ZDHHC21: variants seen among roughly 807,000 people sequenced by gnomAD.
The protein encoded by ZDHHC21 is palmitoyltransferase ZDHHC21.
Under a neutral mutation model 34.6 loss-of-function variants are expected in ZDHHC21, and 15 were observed. The ratio of observed to expected loss-of-function variants is 0.43; its 90% CI spans 0.29 to 0.67. The LOEUF (loss-of-function observed/expected upper bound fraction) is 0.67. Among genes scored for constraint, ZDHHC21 ranks in the 30% least tolerant of loss-of-function variants. ZDHHC21 has a pLI of 0.14. For missense variants in ZDHHC21, 344 were observed against 327.7 expected (o/e 1.05, Z -0.38); for synonymous variants, 142 against 101.8 (o/e 1.40, Z -2.38).
intron 2 of ZDHHC21, among the ~76,000 whole-genome samples, chr9:14,688,936 T>C (rs1229579138): frequency 6.6e-6 from 1 of 151,878 alleles, no homozygotes; most frequent in Non-Finnish European, 1.5e-5. Context: ...CCCAGCTTAT[T>C]GGGAGGCTGA....
the ZDHHC21 span, among the ~76,000 whole-genome samples, chr9:14,605,224 C>A: frequency 6.8e-6 from 1 of 147,808 alleles, no homozygotes; most frequent in Non-Finnish European, 1.5e-5. Context: ...TTTTTAATAT[C>A]CAGAAGTGGG....
chr9:14,669,934 G>C (rs1835154088), intron 5 of ZDHHC21, among the ~76,000 whole-genome samples: 1 of 149,154 alleles, frequency 6.7e-6, no homozygotes, highest in African/African-American at 2.5e-5. Flanking sequence ...CAGTGCACCA[G>C]CATGGCACAT....
chr9:14,615,078 A>G lies in ZDHHC21; in HGVS notation c.*3888T>C, dbSNP rs1175720664. On this transcript the variant is annotated 3_prime_UTR_variant, in exon 10 of 10. Transcript: ENST00000380916. ...TTAAACCAGAGCTTGGTACATTGTG[A>G]TTTTATAGCAATACATGTGAAAACA... is the stretch of plus-strand genomic sequence containing the variant. The G allele has an allele frequency of 6.6e-6, 1 of 151,690 alleles. No individual in the cohort carries two copies. Among genetic ancestry groups the G allele is most frequent in the Non-Finnish European group, 1.5e-5 (1 of 67,694 alleles). The allele number at this position is 151,690 out of a possible 1,614,324, so 9.4% of individuals were successfully genotyped here.
intron 1 of ZDHHC21, 22 bp downstream of exon 1, chr9:14,693,207 G>C: frequency 2.8e-6 from 1 of 352,912 alleles, no homozygotes; most frequent in South Asian, 2.0e-5. Context: ...CGGCCGCTTC[G>C]CCCCCGCGCC....
intron 5 of ZDHHC21, among the ~76,000 whole-genome samples, chr9:14,665,219 G>T (rs1470160643): frequency 1.5e-5 from 2 of 136,442 alleles, no homozygotes; most frequent in Non-Finnish European, 3.1e-5. Flanking sequence ...CTCAGGAGCC[G>T]ATGCGATCAA....
intron 3 of ZDHHC21, among the ~76,000 whole-genome samples, chr9:14,677,988 G>A (rs1836730767): frequency 6.6e-6 from 1 of 152,054 alleles, no homozygotes. Flanking sequence ...TATGCTTACA[G>A]TTTTACGTGA....
the ZDHHC21 span, among the ~76,000 whole-genome samples, chr9:14,594,689 A>G: frequency 1.3e-5 from 2 of 152,214 alleles, no homozygotes; most frequent in East Asian, 1.9e-4. Flanking sequence ...TTTAAAAATG[A>G]TAAATTGGAA....
chr9:14,607,363 C>T (rs2133349091), downstream of ZDHHC21, among the ~76,000 whole-genome samples: 1 of 152,222 alleles, frequency 6.6e-6, no homozygotes, highest in South Asian at 2.1e-4. Context: ...GAGATTGTGC[C>T]ACTGCACTCC....
At chr9:14,656,714 T>C (rs201880264) in intron 7 of ZDHHC21, among the ~76,000 whole-genome samples, 2 of 151,968 alleles carry the variant, frequency 1.3e-5, no homozygotes, top group Admixed American at 6.6e-5. Context: ...TTATTTATAA[T>C]GTACTGCTTC....
chr9:14,665,652 G>C (rs1297084544), intron 5 of ZDHHC21, among the ~76,000 whole-genome samples: 2 of 136,912 alleles, frequency 1.5e-5, no homozygotes. Flanking sequence ...CGGATCTCTC[G>C]GCAGAAACCC....
chr9:14,614,083 G>A lies in ZDHHC21; in HGVS notation c.*4883C>T, dbSNP rs750119360. ...TATAAATAAGAGATAAGGCTAAAATGATTACAGCAAAGAGATTCTCTGATG... is the reference window on the plus strand; with the variant it reads ...TATAAATAAGAGATAAGGCTAAAATAATTACAGCAAAGAGATTCTCTGATG... On this transcript the variant is annotated 3_prime_UTR_variant, in exon 10 of 10. Coordinates refer to ENST00000380916, the MANE Select transcript of ZDHHC21 (RefSeq NM_178566.6). 1 of 151,712 alleles carries A rather than the reference G, an allele frequency of 6.6e-6. No individual in the cohort carries two copies. Among genetic ancestry groups the A allele is most frequent in the Non-Finnish European group, 1.5e-5 (1 of 67,762 alleles). The allele number at this position is 151,712 out of a possible 1,614,324, so 9.4% of individuals were successfully genotyped here. A position where few individuals can be genotyped will look rare whatever the true frequency, so the allele number is the denominator to read the frequency against.
chr9:14,632,722 T>C (rs1022094383), intron 8 of ZDHHC21, among the ~76,000 whole-genome samples: 4 of 151,280 alleles, frequency 2.6e-5, no homozygotes, highest in African/African-American at 4.8e-5. Flanking sequence ...AAGGGACTTA[T>C]ACCTACAATA....
chr9:14,607,733 A>G (rs184247606), downstream of ZDHHC21, among the ~76,000 whole-genome samples: 49 of 152,348 alleles, frequency 3.2e-4, 1 homozygote, highest in East Asian at 9.1e-3. Context: ...AACATCTATC[A>G]GTATGCTACA....
At chr9:14,689,466 AT>A (rs1439802945) in intron 2 of ZDHHC21, among the ~76,000 whole-genome samples, 5 of 152,192 alleles carry the variant, frequency 3.3e-5, no homozygotes, top group Non-Finnish European at 5.9e-5. Flanking sequence ...TGCACTATCA[AT>A]GGTTTCAAGA....
At chr9:14,619,253 C>T (rs1016713721) in intron 9 of ZDHHC21, among the ~76,000 whole-genome samples, 155 bp from the exon 10 acceptor site, 5 of 152,114 alleles carry the variant, frequency 3.3e-5, no homozygotes, top group African/African-American at 1.2e-4. Flanking sequence ...TGGCATGCAG[C>T]TGAGTTTTAA....
At chr9:14,632,064 AACACAC>A (rs760320176) in intron 8 of ZDHHC21, among the ~76,000 whole-genome samples, 6 of 135,070 alleles carry the variant, frequency 4.4e-5, no homozygotes, top group African/African-American at 8.5e-5. Flanking sequence ...AACACACACA[AACACAC>A]ACACACACAC....
chr9:14,664,307 A>C (rs1833972848), intron 5 of ZDHHC21, among the ~76,000 whole-genome samples: 1 of 152,174 alleles, frequency 6.6e-6, no homozygotes, highest in Non-Finnish European at 1.5e-5. Flanking sequence ...AGACCGGCTT[A>C]AGAAACGGCG....
intron 6 of ZDHHC21, among the ~76,000 whole-genome samples, chr9:14,659,952 C>T (rs973866741): frequency 6.6e-6 from 1 of 152,070 alleles, no homozygotes; most frequent in African/African-American, 2.4e-5. Context: ...CTTTCCTGTC[C>T]CCAGGAAGTT....
At chr9:14,629,907 G>A (rs1466966770) in intron 8 of ZDHHC21, among the ~76,000 whole-genome samples, 2 of 152,186 alleles carry the variant, frequency 1.3e-5, no homozygotes, top group Non-Finnish European at 2.9e-5. Flanking sequence ...ATTAGCTGGC[G>A]TGTTGGTGCA....
Sources: allele counts gnomAD v4.1 joint callset (sites outside exome capture counted in the v4.1 genomes callset), GRCh38; gene constraint gnomAD v4.1.1; transcripts MANE v1.5; gene names NCBI Gene and HGNC (gene_info 2026-07-23, HGNC 2026-07-21).